NBPF9: variants seen among roughly 807,000 people sequenced by gnomAD.
NBPF9 encodes the protein NBPF family member NBPF9.
A neutral mutation model predicts 97.8 loss-of-function variants in NBPF9; 91 were observed. That is an observed-to-expected ratio of 0.93 (90% confidence interval 0.79 to 1.11). The LOEUF (loss-of-function observed/expected upper bound fraction) is 1.11. NBPF9 is among the 50% of genes least tolerant of loss of function. The pLI is 0.00. For missense variants in NBPF9, 992 were observed against 939.5 expected, an observed-to-expected ratio of 1.06 and a Z score of -0.73; for synonymous variants, 334 against 359.5, an observed-to-expected ratio of 0.93 and a Z score of 0.80.
chr1:149,077,877 T>A lies in NBPF9; in HGVS notation c.566+6A>T, dbSNP rs1553655035. On this transcript the variant is annotated splice_donor_region_variant and intron_variant, in intron 10 of 29. Coordinates refer to ENST00000584027, the Ensembl canonical transcript of NBPF9. ...CCATTACTTGCTCCTGAGTATTCAG[T>A]GTTACCTGGGGGCAGATGATTCCAG... The A allele has an allele frequency of 1.4e-5, 22 of 1,573,348 alleles. No individual in the cohort carries two copies. The highest frequency in any genetic ancestry group is 1.7e-5 in the Non-Finnish European group (20 of 1,145,194).
chr1:149,074,408 A>C (rs1305375616), intron 12 of NBPF9, among the ~76,000 whole-genome samples: 2 of 151,670 alleles, frequency 1.3e-5, no homozygotes, highest in Non-Finnish European at 2.9e-5. Context: ...TAAGACCATA[A>C]GGCCATGAAG....
chr1:149,071,516 G>A lies in NBPF9; in HGVS notation c.1379+88C>T, dbSNP rs1227106026. 2.8e-5 allele frequency: 31 copies of A among 1,090,074 alleles called. 1 individual carries two copies. The Admixed American group carries it at 3.6e-4, about 13-fold the overall frequency. The allele number at this position is 1,090,074 out of a possible 1,614,324, so 67.5% of individuals were successfully genotyped here. On this transcript the variant is annotated intron_variant, in intron 15 of 29. Transcript: ENST00000584027. ...GTGGCCAAGCGAATGCGGGTTTTTG[G>A]CCCATCATAGATGCCAGAGAGGGTG... is the stretch of plus-strand genomic sequence containing the variant.
intron 17 of NBPF9, among the ~76,000 whole-genome samples, chr1:149,067,365 G>C (rs1332678301): frequency 3.9e-5 from 5 of 127,752 alleles, no homozygotes; most frequent in Admixed American, 7.7e-5. Context: ...CAACGTGCAG[G>C]TTAGTTACAT....
intron 5 of NBPF9, among the ~76,000 whole-genome samples, chr1:149,083,173 C>A (rs1273474884): frequency 1.4e-5 from 2 of 146,410 alleles, no homozygotes; most frequent in Non-Finnish European, 1.5e-5. Flanking sequence ...TCCCTTGTTT[C>A]ATTTTGTTTT....
At chr1:149,095,800 C>A (rs1183708604) in intron 4 of NBPF9, among the ~76,000 whole-genome samples, 2 of 151,990 alleles carry the variant, frequency 1.3e-5, no homozygotes, top group Admixed American at 1.3e-4. Context: ...ACGGTGAACA[C>A]ACCAAATGCT....
chr1:149,076,283 T>G (rs1394804801), intron 11 of NBPF9, among the ~76,000 whole-genome samples: 1 of 151,014 alleles, frequency 6.6e-6, no homozygotes, highest in African/African-American at 2.4e-5. Flanking sequence ...CTGCCACCTC[T>G]GCCGCCCGGG....
rs1280771962 is a variant in NBPF9 at position 149,070,833 on chromosome 1, A to G, written c.1585+101T>C. ...TGATATCTGTTTAGAAACCCATCAC[A>G]GTTTTTTATTCAAATGAATTTGTGT... On this transcript the variant is annotated intron_variant, in intron 16 of 29. Coordinates refer to ENST00000584027, the Ensembl canonical transcript of NBPF9. 5.7e-6 allele frequency: 8 copies of G among 1,413,848 alleles called. No individual in the cohort carries two copies. In the African/African-American group the frequency reaches 9.9e-5, roughly 18 times the overall value. The allele number at this position is 1,413,848 out of a possible 1,614,324, so 87.6% of individuals were successfully genotyped here.
intron 4 of NBPF9, among the ~76,000 whole-genome samples, chr1:149,096,926 G>C (rs1385283252): frequency 1.4e-5 from 2 of 141,920 alleles, no homozygotes; most frequent in African/African-American, 2.6e-5. Context: ...AGCTCCAGAG[G>C]TTTTGGTAAG....
At chr1:149,074,603 A>T (rs2152898139) in intron 12 of NBPF9, among the ~76,000 whole-genome samples, 1 of 151,340 alleles carries the variant, frequency 6.6e-6, no homozygotes, top group East Asian at 1.9e-4. Context: ...CAGGTGAGGT[A>T]ACTGAGGGAC....
chr1:149,058,844 T>A (rs1430921783), intron 26 of NBPF9, 81 bp downstream of exon 26: 1 of 705,896 alleles, frequency 1.4e-6, no homozygotes, highest in South Asian at 1.5e-5. Context: ...CTCAGGTCAG[T>A]AAGGGCCACT....
chr1:149,087,828 C>CTTTTTTTT (rs60084667), intron 5 of NBPF9, among the ~76,000 whole-genome samples: 2 of 88,556 alleles, frequency 2.3e-5, no homozygotes, highest in African/African-American at 5.2e-5. Context: ...GTTGACTTTC[C>CTTTTTTTT]TTTTTTTTTT....
intron 5 of NBPF9, among the ~76,000 whole-genome samples, chr1:149,086,932 T>C (rs2081050280): frequency 6.6e-6 from 1 of 152,144 alleles, no homozygotes; most frequent in Admixed American, 6.5e-5. Context: ...TGATTTGTGT[T>C]ATGTTTAACC....
At chr1:149,052,509 G>A (rs587628199), downstream of NBPF9, among the ~76,000 whole-genome samples, 6 of 152,056 alleles carry the variant, frequency 3.9e-5, no homozygotes, top group South Asian at 1.3e-3. Context: ...CTTAATAGGG[G>A]TGGGCCTCAT....
At chr1:149,100,979 G>A (rs1286203816) in intron 3 of NBPF9, among the ~76,000 whole-genome samples, 7 of 151,096 alleles carry the variant, frequency 4.6e-5, no homozygotes, top group Admixed American at 1.3e-4. Context: ...ATTGCTATAA[G>A]GTTAACACAG....
intron 4 of NBPF9, among the ~76,000 whole-genome samples, chr1:149,097,576 T>TG (rs201859853): frequency 0.13 from 19,963 of 151,478 alleles, 867 homozygotes; most frequent in Middle Eastern, 0.19. Flanking sequence ...TCATTCTCAC[T>TG]GGACTTCCCT....
At chr1:149,064,691 G>T (rs112967388) in intron 18 of NBPF9, 10 of 613,034 alleles carry the variant, frequency 1.6e-5, no homozygotes, top group South Asian at 5.9e-5. Flanking sequence ...ATTCCCCTGT[G>T]TTGGAATGTT....
intron 2 of NBPF9, 80 bp from the exon 3 acceptor site, chr1:149,101,459 A>G (rs1228447886): frequency 1.3e-5 from 2 of 152,072 alleles, no homozygotes; most frequent in Non-Finnish European, 2.9e-5. Flanking sequence ...AAGGCAAGCT[A>G]CAGATTGAAA....
chr1:149,072,912 T>G lies in NBPF9; in HGVS notation c.1112A>C (p.His371Pro), dbSNP rs782561164. The G allele has an allele frequency of 3.1e-6, 5 of 1,607,002 alleles. No individual in the cohort carries two copies. In the East Asian group the frequency reaches 1.1e-4, roughly 36 times the overall value. Residue 371 changes from histidine (H) to proline (P), a missense_variant, in exon 14 of 30, where the codon CAC (histidine) becomes CCC (proline). Transcript: ENST00000584027. ...CTGGGTCAGCTCTCGTTCCTGAGCG[T>G]GAACCAGGACTTTATATTGCCTAAG... is the stretch of plus-strand genomic sequence containing the variant.
At chr1:149,092,346 A>G (rs2081464037) in intron 4 of NBPF9, among the ~76,000 whole-genome samples, 1 of 133,858 alleles carries the variant, frequency 7.5e-6, no homozygotes, top group Non-Finnish European at 1.6e-5. Context: ...ACAGACAGGT[A>G]AGGAGGAAAG....
Sources: allele counts gnomAD v4.1 joint callset (sites outside exome capture counted in the v4.1 genomes callset), GRCh38; gene constraint gnomAD v4.1.1; transcripts MANE v1.5; gene names NCBI Gene and HGNC (gene_info 2026-07-23, HGNC 2026-07-21).